Variants in E2F8 observed in about 807,000 individuals in gnomAD.
E2F8 encodes E2F transcription factor 8.
A neutral mutation model predicts 80.8 loss-of-function variants in E2F8; 35 were observed. That is an observed-to-expected ratio of 0.43 (90% CI 0.33 to 0.57). E2F8 has a LOEUF of 0.57. Ranked by LOEUF, E2F8 falls within the 20% of genes least tolerant of loss-of-function variation. E2F8 has a pLI of 0.04. For missense variants in E2F8, 975 were observed against 1,056.2 expected (o/e 0.92, Z 1.07); for synonymous variants, 386 against 395.0 (o/e 0.98, Z 0.27).
Position 19,237,331 on chromosome 11 carries a change from T to G in E2F8, c.434A>C (p.Glu145Ala). 2 of 1,614,090 alleles carry G rather than the reference T, an allele frequency of 1.2e-6. No homozygotes were observed. The highest frequency in any genetic ancestry group is 1.7e-6 in the Non-Finnish European group (2 of 1,179,990). ...ATACTTACTAAGTTCCTCTGCCACT[T>G]CGTCAAGGCAGATGTCATTATTCAC... ...PAVNNDICLDEVAEELNVERR... is the reference protein window; with the variant it reads ...PAVNNDICLDAVAEELNVERR... The change falls in exon 4 of 13, where the codon GAA (glutamate) becomes GCA (alanine). Residue 145 changes from glutamate (E) to alanine (A), a missense_variant. Coordinates refer to ENST00000250024, the MANE Select transcript of E2F8 (RefSeq NM_024680.4).
chr11:19,226,298 G>A (rs1590121819), intron 10 of E2F8, among the ~76,000 whole-genome samples: 1 of 152,204 alleles, frequency 6.6e-6, no homozygotes, highest in Non-Finnish European at 1.5e-5. Flanking sequence ...TTGCAAACAG[G>A]CATTACCTGA....
intron 7 of E2F8, 96 bp from the exon 8 acceptor site, chr11:19,230,930 A>G (rs1340795895): frequency 1.8e-6 from 2 of 1,114,048 alleles, no homozygotes; most frequent in South Asian, 2.9e-5. Flanking sequence ...GTGGCAAGTT[A>G]CAGAGCACCG....
At position 19,229,474 on chromosome 11, in the gene E2F8, C is replaced by T; in HGVS notation, c.1873G>A (p.Gly625Arg). Residue 625 changes from glycine (G) to arginine (R), a missense_variant, in exon 10 of 13, where the codon GGA becomes AGA. Transcript: ENST00000250024. This position sits in a 1 kb window ranked among gnomAD's most constrained non-coding sequence, Gnocchi z 4.3. ...SKKKFKEDLKGLENVSATLFP... is the reference protein window; with the variant it reads ...SKKKFKEDLKRLENVSATLFP... Reference sequence around the variant, plus strand: ...CTTACTGCGGAGACATTTTCAAGTCCTTTTAGGTCCTCTTTAAATTTCTTT... The same window carrying T: ...CTTACTGCGGAGACATTTTCAAGTCTTTTTAGGTCCTCTTTAAATTTCTTT... 1 of 1,613,768 alleles carries T rather than the reference C, an allele frequency of 6.2e-7. No individual in the cohort carries two copies. Among genetic ancestry groups the T allele is most frequent in the African/African-American group, 1.3e-5 (1 of 74,976 alleles).
chr11:19,230,660 G>A lies in E2F8; in HGVS notation c.1241C>T (p.Ala414Val), dbSNP rs762189735. 2.0e-5 allele frequency: 33 copies of A among 1,614,014 alleles called. No homozygotes were observed. The highest frequency in any genetic ancestry group is 4.5e-5 in the East Asian group (2 of 44,894). Residue 414 changes from alanine (A) to valine (V), a missense_variant, in exon 8 of 13, where the codon GCG becomes GTG. By Grantham distance (64) the Ala-to-Val change is moderately conservative. Coordinates refer to ENST00000250024, the MANE Select transcript of E2F8 (RefSeq NM_024680.4). ...IESDRRKINS[A>V]PSSPIKTNKA... The stretch of plus-strand genomic sequence containing the variant: ...GTTGGTCTTGATAGGGCTACTGGGC[G>A]CAGAATTTATCTTTCTCCGATCACT...
chr11:19,231,597 G>A (rs1851385165), intron 7 of E2F8, among the ~76,000 whole-genome samples: 1 of 152,316 alleles, frequency 6.6e-6, no homozygotes. Flanking sequence ...GCATCGCAGA[G>A]TTAAGATGAA....
intron 10 of E2F8, among the ~76,000 whole-genome samples, chr11:19,227,638 C>A (rs1440027228): frequency 1.3e-5 from 2 of 152,198 alleles, no homozygotes; most frequent in African/African-American, 4.8e-5. Context: ...ATGTCATCTT[C>A]ATTCCTATCA....
chr11:19,234,863 T>G lies in E2F8; in HGVS notation c.647A>C (p.Gln216Pro). Residue 216 changes from glutamine (Q) to proline (P), a missense_variant, in exon 5 of 13, where the codon CAA (glutamine) becomes CCA (proline). Gln to Pro is a moderately conservative substitution (Grantham distance 76). Transcript: ENST00000250024. ...IMMIKKKEYEQEFDFIKSYSI... is the reference protein window; with the variant it reads ...IMMIKKKEYEPEFDFIKSYSI... ...GTAACTCTTAATAAAGTCAAACTCT[T>G]GCTCATATTCTTTCTTTTTGATCAT... 2.5e-6 allele frequency: 4 copies of G among 1,614,234 alleles called. No homozygotes were observed. Among genetic ancestry groups the G allele is most frequent in the Non-Finnish European group, 3.4e-6 (4 of 1,180,036 alleles).
rs117528973 is a variant in E2F8 at position 19,235,193 on chromosome 11, A to G, written c.452-135T>C. 6.0e-3 allele frequency: 4,725 copies of G among 786,072 alleles called. 38 individuals are homozygous for G. The highest frequency in any genetic ancestry group is 0.01 in the Middle Eastern group (32 of 3,130). 48.7% of individuals were successfully genotyped at this position (786,072 alleles called of 1,614,324 possible). A position where few individuals can be genotyped will look rare whatever the true frequency, so the allele number is the denominator to read the frequency against. ...TCCTAACTGTAAGTGAACATACTCA[A>G]CAAATACTGTGAAGGTGAGAAAGAC... On this transcript the variant is annotated intron_variant, in intron 4 of 12. Transcript: ENST00000250024.
Position 19,230,659 on chromosome 11 carries a change from C to T in E2F8, c.1242G>A (p.Ala414=), listed in dbSNP as rs767997311. 3.0e-5 allele frequency: 49 copies of T among 1,613,992 alleles called. No individual in the cohort carries two copies. Among genetic ancestry groups the T allele is most frequent in the African/African-American group, 4.0e-5 (3 of 74,896 alleles). The change falls in exon 8 of 13, where the codon GCG becomes GCA. Residue 414 remains alanine, a synonymous_variant. Coordinates refer to ENST00000250024, the MANE Select transcript of E2F8 (RefSeq NM_024680.4). ...TGTTGGTCTTGATAGGGCTACTGGG[C>T]GCAGAATTTATCTTTCTCCGATCAC... ...IESDRRKINS[A]PSSPIKTNKA...
Position 19,230,828 on chromosome 11 carries a change from C to G in E2F8, c.1073G>C (p.Ser358Thr), listed in dbSNP as rs77599073. 4,034 of 1,613,986 alleles carry G rather than the reference C, an allele frequency of 2.5e-3. 66 individuals carry two copies. In the African/African-American group the frequency reaches 0.044, roughly 18 times the overall value. ...AGAGGGAGTAAAATGAATGACTGGG[C>G]TGGAGCCTGAAACAGAAAACGTCTG... ...PEISPNTSGS[S>T]PVIHFTPSDL... Residue 358 changes from serine to threonine, a missense_variant, in exon 8 of 13, where the codon AGC (serine) becomes ACC (threonine). By Grantham distance (58) the Ser-to-Thr change is moderately conservative (BLOSUM62 1). Transcript: ENST00000250024.
At chr11:19,225,959 C>T (rs924355447) in intron 10 of E2F8, 95 bp from the exon 11 acceptor site, 3 of 1,434,828 alleles carry the variant, frequency 2.1e-6, no homozygotes, top group African/African-American at 2.8e-5. Flanking sequence ...TTGGTGGTTG[C>T]CTCATTGGAC....
chr11:19,235,668 A>C (rs1394069922), intron 4 of E2F8, among the ~76,000 whole-genome samples: 1 of 15,028 alleles, frequency 6.7e-5, no homozygotes, highest in Admixed American at 7.1e-4. Context: ...CAAACAAACA[A>C]AAAAAAAAAA....
At chr11:19,227,448 CAAT>C (rs2133556703) in intron 10 of E2F8, among the ~76,000 whole-genome samples, 1 of 152,278 alleles carries the variant, frequency 6.6e-6, no homozygotes, top group Admixed American at 6.5e-5. Flanking sequence ...GTAAAACCCA[CAAT>C]AATAGAATAA....
intron 2 of E2F8, 92 bp from the exon 3 acceptor site, chr11:19,238,224 T>C (rs568969711): frequency 6.1e-6 from 8 of 1,318,342 alleles, no homozygotes; most frequent in Non-Finnish European, 8.2e-6. Context: ...AATAGAATCA[T>C]GCCAAGGAAA....
At chr11:19,239,958 A>C (rs969822631) in intron 2 of E2F8, 149 bp downstream of exon 2, 4 of 423,038 alleles carry the variant, frequency 9.5e-6, no homozygotes, top group Admixed American at 8.2e-5. Flanking sequence ...TGAAACTATA[A>C]GATAAGGTTC....
intron 9 of E2F8, 58 bp from the exon 10 acceptor site, chr11:19,230,046 T>C (rs911552348): frequency 1.9e-6 from 3 of 1,597,784 alleles, no homozygotes; most frequent in Non-Finnish European, 2.6e-6. Flanking sequence ...TGAACTGTTC[T>C]ACCGCTTTAA....
chr11:19,240,848 G>A lies in E2F8; in HGVS notation c.-410C>T, dbSNP rs945421824. ...AAAGCACTATTTACTCCCTGTTCGGGTGGCCAGTTCACACCACGGCGTTAG... is the reference window on the plus strand; with the variant it reads ...AAAGCACTATTTACTCCCTGTTCGGATGGCCAGTTCACACCACGGCGTTAG... On this transcript the variant is annotated 5_prime_UTR_variant, in exon 1 of 13. Coordinates refer to ENST00000250024, the MANE Select transcript of E2F8 (RefSeq NM_024680.4). The A allele has an allele frequency of 6.6e-6, 1 of 152,176 alleles. No homozygotes were observed. The highest frequency in any genetic ancestry group is 6.5e-5 in the Admixed American group (1 of 15,276). 9.4% of individuals were successfully genotyped at this position (152,176 alleles called of 1,614,324 possible). A position where few individuals can be genotyped will look rare whatever the true frequency, so the allele number is the denominator to read the frequency against.
intron 6 of E2F8, among the ~76,000 whole-genome samples, chr11:19,233,471 C>T (rs1331358511): frequency 1.3e-5 from 2 of 152,068 alleles, no homozygotes; most frequent in East Asian, 3.9e-4. Flanking sequence ...TTAGAGCTCA[C>T]ACAGAACAGA....
intron 7 of E2F8, 43 bp from the exon 8 acceptor site, chr11:19,230,877 G>A (rs1851362282): frequency 1.3e-6 from 2 of 1,593,538 alleles, no homozygotes; most frequent in African/African-American, 2.7e-5. Context: ...GGATGGCTCA[G>A]TTGGCTTTTG....
Sources: allele counts gnomAD v4.1 joint callset (sites outside exome capture counted in the v4.1 genomes callset), GRCh38; gene constraint gnomAD v4.1.1; non-coding constraint Gnocchi (gnomAD v3.1); transcripts MANE v1.5; gene names NCBI Gene and HGNC (gene_info 2026-07-23, HGNC 2026-07-21).